CNTNAP4: variants seen among roughly 807,000 people sequenced by gnomAD.
CNTNAP4 encodes the protein contactin-associated protein-like 4.
In CNTNAP4, 98 loss-of-function variants were observed where a neutral mutation model predicts 148.4. The observed-to-expected ratio is 0.66, with a 90% CI of 0.56 to 0.78. CNTNAP4 has a LOEUF of 0.78. CNTNAP4 is among the 30% of genes least tolerant of loss of function. The probability of loss-of-function intolerance (pLI) is 0.00; values close to 1 mark genes in which losing one functional copy is unlikely to be tolerated. For synonymous variants in CNTNAP4, 730 were observed against 565.1 expected (o/e 1.29, Z -4.14); for missense variants, 1,935 against 1,565.6 (o/e 1.24, Z -3.98).
chr16:76,310,118 A>C (rs1236279244), intron 1 of CNTNAP4, among the ~76,000 whole-genome samples: 2 of 151,790 alleles, frequency 1.3e-5, no homozygotes, highest in African/African-American at 4.8e-5. Flanking sequence ...TGTTTTTTGC[A>C]TGCAGACTGG....
At position 76,481,646 on chromosome 16, in the gene CNTNAP4, A is replaced by G. The variant is rs1009008358; in HGVS notation, c.1882+2108A>G. ...TGTCATTTGCTGAAAGTTACAATGA[A>G]CAGTGTTAGAAGTCAATATTTTATG... On this transcript the variant is annotated intron_variant, in intron 12 of 23. Coordinates refer to ENST00000611870, the MANE Select transcript of CNTNAP4 (RefSeq NM_033401.5). Among the ~76,000 whole-genome samples the G allele has an allele frequency of 5.9e-5, 9 of 152,196 alleles. 1 individual carries two copies. Among genetic ancestry groups the G allele is most frequent in the African/African-American group, 1.7e-4 (7 of 41,426 alleles).
chr16:76,420,814 T>G (rs532494032), intron 3 of CNTNAP4, among the ~76,000 whole-genome samples: 40 of 152,158 alleles, frequency 2.6e-4, no homozygotes, highest in African/African-American at 9.4e-4. Flanking sequence ...TCTTGGACAT[T>G]TAATATTTTA....
chr16:76,460,834 T>G (rs1180618175), intron 8 of CNTNAP4, among the ~76,000 whole-genome samples: 1 of 142,960 alleles, frequency 7.0e-6, no homozygotes, highest in African/African-American at 2.6e-5. Context: ...TTTATTCACA[T>G]TGTTTACTAT....
At chr16:76,482,734 C>A (rs2081881287) in intron 12 of CNTNAP4, among the ~76,000 whole-genome samples, 1 of 152,164 alleles carries the variant, frequency 6.6e-6, no homozygotes, top group Middle Eastern at 3.2e-3. Flanking sequence ...TGTGTCTTCT[C>A]AATGAAGCTC....
In CNTNAP4 at chr16:76,287,250, A is replaced by C. The variant is rs142933945; in HGVS notation, c.85+9503A>C. 7.6e-3 allele frequency among the ~76,000 whole-genome samples: 1,161 copies of C among 152,352 alleles called. 12 individuals carry two copies. The highest frequency in any genetic ancestry group is 0.026 in the African/African-American group (1,094 of 41,580). The stretch of plus-strand genomic sequence containing the variant: ...CCTTTATCACAAAATGAAACATGAT[A>C]AAACAAAACATTTCATGGTCAAATA... On this transcript the variant is annotated intron_variant, in intron 1 of 23. Transcript: ENST00000611870.
chr16:76,425,582 T>C (rs540654175), intron 3 of CNTNAP4, among the ~76,000 whole-genome samples: 2 of 151,902 alleles, frequency 1.3e-5, no homozygotes, highest in African/African-American at 4.8e-5. Flanking sequence ...AATAGCAAGA[T>C]ATTTATGGGG....
intron 2 of CNTNAP4, among the ~76,000 whole-genome samples, chr16:76,351,745 C>T (rs1264782410): frequency 6.6e-6 from 1 of 152,204 alleles, no homozygotes; most frequent in Non-Finnish European, 1.5e-5. Flanking sequence ...TTGGCTGGTG[C>T]AGCTGTAACT....
At chr16:76,358,906 A>C (rs1055748571) in intron 3 of CNTNAP4, among the ~76,000 whole-genome samples, 1 of 152,156 alleles carries the variant, frequency 6.6e-6, no homozygotes, top group Non-Finnish European at 1.5e-5. Context: ...ATGTATGTGT[A>C]TGTATTTCCT....
Position 76,355,352 on chromosome 16 carries a change from A to T in CNTNAP4, c.231A>T (p.Lys77Asn), listed in dbSNP as rs756188053. The change falls in exon 3 of 24, where the codon AAA becomes AAT. Residue 77 changes from lysine to asparagine, a missense_variant. By Grantham distance (94) the Lys-to-Asn change is moderately conservative (BLOSUM62 0). Coordinates refer to ENST00000611870, the MANE Select transcript of CNTNAP4 (RefSeq NM_033401.5). ...AGGWSPLVSN[K>N]YQWLQIDLGE... The stretch of plus-strand genomic sequence containing the variant: ...GCTGGTCTCCACTTGTGTCTAACAA[A>T]TACCAGTGGTTGCAGATTGACCTTG... 1.9e-6 allele frequency: 3 copies of T among 1,599,466 alleles called. No homozygotes were observed. Among genetic ancestry groups the T allele is most frequent in the Non-Finnish European group, 2.6e-6 (3 of 1,172,836 alleles).
At chr16:76,372,308 T>TA (rs1403941988) in intron 3 of CNTNAP4, among the ~76,000 whole-genome samples, 1 of 147,576 alleles carries the variant, frequency 6.8e-6, no homozygotes, top group Admixed American at 6.8e-5. Context: ...CCCAGCTAAT[T>TA]TTTTTTTTTT....
At chr16:76,405,142 G>T (rs1047089101) in intron 3 of CNTNAP4, among the ~76,000 whole-genome samples, 1 of 152,158 alleles carries the variant, frequency 6.6e-6, no homozygotes, top group Non-Finnish European at 1.5e-5. Flanking sequence ...CTGTAATGTA[G>T]TTGTTAAAGA....
At chr16:76,391,923 G>C (rs1232600932) in intron 3 of CNTNAP4, among the ~76,000 whole-genome samples, 1 of 152,200 alleles carries the variant, frequency 6.6e-6, no homozygotes, top group Non-Finnish European at 1.5e-5. Context: ...GACTTAGCTT[G>C]TATTTTCAGT....
chr16:76,321,731 G>C (rs1175997711), intron 2 of CNTNAP4, among the ~76,000 whole-genome samples: 3 of 144,854 alleles, frequency 2.1e-5, no homozygotes, highest in African/African-American at 5.1e-5. Context: ...GGAGGTTGTA[G>C]TGAGCTGAGA....
chr16:76,295,010 G>A (rs986192830), intron 1 of CNTNAP4, among the ~76,000 whole-genome samples: 7 of 152,166 alleles, frequency 4.6e-5, no homozygotes, highest in South Asian at 2.1e-4. Context: ...CAGGCAATGT[G>A]CTCAGAGGCT....
chr16:76,353,727 A>T (rs1010280110), intron 2 of CNTNAP4, among the ~76,000 whole-genome samples: 1 of 152,072 alleles, frequency 6.6e-6, no homozygotes, highest in Admixed American at 6.6e-5. Context: ...GTGCATCCCC[A>T]TGTGTGGTCC....
chr16:76,304,490 G>A (rs1960281879), intron 1 of CNTNAP4, among the ~76,000 whole-genome samples: 3 of 152,180 alleles, frequency 2.0e-5, no homozygotes, highest in African/African-American at 7.2e-5. Flanking sequence ...CACTATGGCT[G>A]AGCCTGGAGC....
chr16:76,355,388 G>A lies in CNTNAP4; in HGVS notation c.267G>A (p.Met89Ile). 5.6e-6 allele frequency: 9 copies of A among 1,609,872 alleles called. No homozygotes were observed. The highest frequency in any genetic ancestry group is 7.6e-6 in the Non-Finnish European group (9 of 1,177,728). The stretch of plus-strand genomic sequence containing the variant: ...TGCAGATTGACCTTGGAGAGAGAAT[G>A]GAGGTCACCGCTGTGGCCACTCAAG... ...QWLQIDLGER[M>I]EVTAVATQGG... Residue 89 changes from methionine to isoleucine, a missense_variant, in exon 3 of 24, where the codon ATG (methionine) becomes ATA (isoleucine). Transcript: ENST00000611870.
At position 76,549,103 on chromosome 16, in the gene CNTNAP4, C is replaced by T. The variant is rs7193928; in HGVS notation, c.3443-4180C>T. ...CCTGGAGGGAACCAGTGAGGAGGCT[C>T]TTGTGGGGCTTCCTACCTTCTGGGT... On this transcript the variant is annotated intron_variant, in intron 21 of 23. Transcript: ENST00000611870. Among the ~76,000 whole-genome samples the T allele has an allele frequency of 2.5e-3, 387 of 152,080 alleles. 3 individuals are homozygous for T. Among genetic ancestry groups the T allele is most frequent in the African/African-American group, 8.9e-3 (370 of 41,510 alleles).
intron 15 of CNTNAP4, among the ~76,000 whole-genome samples, chr16:76,514,226 T>G (rs1177227207): frequency 6.6e-6 from 1 of 152,220 alleles, no homozygotes; most frequent in Admixed American, 6.5e-5. Flanking sequence ...TGAGGGATGA[T>G]GCAGTGGCAA....
Sources: allele counts gnomAD v4.1 joint callset (sites outside exome capture counted in the v4.1 genomes callset), GRCh38; gene constraint gnomAD v4.1.1; transcripts MANE v1.5; gene names NCBI Gene and HGNC (gene_info 2026-07-23, HGNC 2026-07-21).